ANKRD17: variants seen among roughly 807,000 people sequenced by gnomAD.
ANKRD17 encodes the protein ankyrin repeat domain 17.
Under a neutral mutation model 229.7 loss-of-function variants are expected in ANKRD17, and 19 were observed. That is an observed-to-expected ratio of 0.08 (90% CI 0.06 to 0.12). The LOEUF (loss-of-function observed/expected upper bound fraction) is 0.12. ANKRD17 is among the 10% of genes least tolerant of loss of function. The pLI is 1.00. For synonymous variants in ANKRD17, 1,112 were observed against 1,146.1 expected (o/e 0.97, Z 0.60); for missense variants, 2,176 against 3,176.8 (o/e 0.68, Z 7.57).
At chr4:73,160,134 C>A (rs1732301694) in intron 3 of ANKRD17, among the ~76,000 whole-genome samples, 1 of 150,938 alleles carries the variant, frequency 6.6e-6, no homozygotes, top group African/African-American at 2.4e-5. Flanking sequence ...AAGCCACCAA[C>A]GGTTGAAAAT....
chr4:73,156,285 A>C, intron 3 of ANKRD17, 119 bp from the exon 4 acceptor site: 12 of 1,239,770 alleles, frequency 9.7e-6, no homozygotes, highest in African/African-American at 1.5e-5. Flanking sequence ...TTGCTCTGTC[A>C]CCCAGGAGGG....
rs1362932940 is a variant in ANKRD17, at chr4:73,141,797, T to C, written c.2276A>G (p.Gln759Arg). The C allele has an allele frequency of 6.2e-7, 1 of 1,613,968 alleles. No homozygotes were observed. The highest frequency in any genetic ancestry group is 2.2e-5 in the East Asian group (1 of 44,854). The stretch of plus-strand genomic sequence containing the variant: ...ATTGGCAGGTGGTTTGTCAGGCTCC[T>C]GAGGTGGAACAACCATGGGCAGTGC... ...VQALPMVVPP[Q>R]EPDKPPANVA... Residue 759 changes from glutamine (Q) to arginine (R), a missense_variant, in exon 14 of 34, where the codon CAG becomes CGG. Transcript: ENST00000358602.
intron 15 of ANKRD17, among the ~76,000 whole-genome samples, chr4:73,137,974 TA>T (rs1161606776): frequency 1.3e-5 from 2 of 152,168 alleles, no homozygotes; most frequent in East Asian, 1.9e-4. Context: ...TGATATTATA[TA>T]AAAAAAATTT....
intron 29 of ANKRD17, among the ~76,000 whole-genome samples, chr4:73,086,919 A>ATATATATAT (rs1553911001): frequency 1.6e-4 from 2 of 12,462 alleles, no homozygotes; most frequent in African/African-American, 2.6e-4. Context: ...AAAAAAAAAA[A>ATATATATAT]ATATATATAT....
intron 1 of ANKRD17, among the ~76,000 whole-genome samples, chr4:73,199,590 T>C (rs778067867): frequency 4.7e-4 from 72 of 152,186 alleles, no homozygotes; most frequent in Non-Finnish European, 8.1e-4. Flanking sequence ...TGCTTAAATG[T>C]GTCACTCCTA....
At chr4:73,145,117 G>A (rs11939939) in intron 10 of ANKRD17, among the ~76,000 whole-genome samples, 53,813 of 151,870 alleles carry the variant, frequency 0.35, 10,110 homozygotes, top group South Asian at 0.45. Flanking sequence ...TCATCTAAAC[G>A]CATCTGAGTA....
At chr4:73,112,798 T>C in intron 24 of ANKRD17, 3 of 713,406 alleles carry the variant, frequency 4.2e-6, no homozygotes, top group Non-Finnish European at 5.2e-6. Flanking sequence ...AAATTTTATT[T>C]ATTTTTTGAG....
At position 73,076,953 on chromosome 4, in the gene ANKRD17, T is replaced by A. The variant is rs1448221920; in HGVS notation, c.7739A>T (p.Asn2580Ile). ...GATCAGCCTCACCGTTTGAGGGCCA[T>A]TATTTTCCGTGGAGCTGGAAACCAT... ...IKMVSSSTEN[N>I]GPQTVWTGPW... is the part of the protein sequence containing the mutation. Residue 2580 changes from asparagine to isoleucine, a missense_variant, in exon 33 of 34, where the codon AAT becomes ATT. Asn to Ile is a moderately radical substitution (Grantham distance 149). Around this residue, in one of 18 missense-constraint regions of ANKRD17, gnomAD observed 159 missense variants for 214.3 expected, o/e 0.74. Coordinates refer to ENST00000358602, the MANE Select transcript of ANKRD17 (RefSeq NM_032217.5). 1 of 1,610,796 alleles carries A rather than the reference T, an allele frequency of 6.2e-7. No homozygotes were observed. Among genetic ancestry groups the A allele is most frequent in the East Asian group, 2.2e-5 (1 of 44,822 alleles).
At chr4:73,093,876 A>G (rs1723034605) in intron 28 of ANKRD17, among the ~76,000 whole-genome samples, 1 of 152,220 alleles carries the variant, frequency 6.6e-6, no homozygotes, top group South Asian at 2.1e-4. Context: ...AATTCCTATA[A>G]AAGTCTCTGA....
At chr4:73,083,470 G>A (rs1721774801) in intron 30 of ANKRD17, among the ~76,000 whole-genome samples, 1 of 152,130 alleles carries the variant, frequency 6.6e-6, no homozygotes, top group Admixed American at 6.6e-5. Context: ...AAAATAATTG[G>A]GAAATTTAGG....
At chr4:73,235,771 A>G (rs554190691) in intron 1 of ANKRD17, among the ~76,000 whole-genome samples, 18 of 152,264 alleles carry the variant, frequency 1.2e-4, no homozygotes, top group Admixed American at 9.8e-4. Flanking sequence ...AAAACCAATT[A>G]TCTCTTTACT....
intron 15 of ANKRD17, among the ~76,000 whole-genome samples, chr4:73,138,887 A>G (rs183023991): frequency 3.9e-5 from 6 of 152,274 alleles, no homozygotes; most frequent in African/African-American, 1.2e-4. Context: ...CTGGCTACAC[A>G]TCTAAAAATA....
intron 1 of ANKRD17, among the ~76,000 whole-genome samples, chr4:73,256,081 C>T (rs1316439718): frequency 1.3e-5 from 2 of 152,158 alleles, no homozygotes; most frequent in East Asian, 1.9e-4. Flanking sequence ...AAATGACAAA[C>T]CCATTGTTTA....
intron 28 of ANKRD17, 91 bp from the exon 29 acceptor site, chr4:73,092,391 C>T (rs35631423): frequency 0.023 from 23,868 of 1,042,126 alleles, 352 homozygotes; most frequent in Middle Eastern, 0.042. Context: ...CACAAACACA[C>T]ACACAGTTTT....
At position 73,115,842 on chromosome 4, in the gene ANKRD17, G is replaced by A; in HGVS notation, c.4263C>T (p.Tyr1421=). 1.2e-6 allele frequency: 2 copies of A among 1,613,022 alleles called. No homozygotes were observed. Among genetic ancestry groups the A allele is most frequent in the Non-Finnish European group, 1.7e-6 (2 of 1,179,696 alleles). The change falls in exon 23 of 34, where the codon TAC becomes TAT. Residue 1421 remains tyrosine, a synonymous_variant. Transcript: ENST00000358602. ...QFPSDSECMR[Y]IATITDKEML... ...TTACCTTATCAGTGATGGTTGCTAT[G>A]TATCTCATACATTCAGAATCTGATG...
rs374162159 is a variant in ANKRD17 at position 73,144,722 on chromosome 4, A to C, written c.1957+23T>G. The stretch of plus-strand genomic sequence containing the variant: ...AGGGGTAGATACCTTTCAAAAAAAG[A>C]CAACTGTTTTATACAAACCTACCTT... On this transcript the variant is annotated intron_variant, in intron 11 of 33. Transcript: ENST00000358602. 54 of 1,497,322 alleles carry C rather than the reference A, an allele frequency of 3.6e-5. No homozygotes were observed. In the African/African-American group the frequency reaches 6.7e-4, roughly 19 times the overall value. 92.8% of individuals were successfully genotyped at this position (1,497,322 alleles called of 1,614,324 possible).
intron 5 of ANKRD17, among the ~76,000 whole-genome samples, chr4:73,154,559 T>C (rs1731394764): frequency 6.6e-6 from 1 of 152,120 alleles, no homozygotes; most frequent in Non-Finnish European, 1.5e-5. Flanking sequence ...ATCATATATG[T>C]TTTCATTACA....
In ANKRD17 at chr4:73,201,804, G is replaced by C. The variant is rs147907058; in HGVS notation, c.394-24271C>G. 5.3e-3 allele frequency among the ~76,000 whole-genome samples: 799 copies of C among 152,106 alleles called. 2 individuals are homozygous for C. Among genetic ancestry groups the C allele is most frequent in the Non-Finnish European group, 7.6e-3 (514 of 67,984 alleles). Reference sequence around the variant, plus strand: ...CACTTTTCTAAACATAAGCTGCTTGGAGCAATTTTCAGGCTTTCTCACTAA... The same window carrying C: ...CACTTTTCTAAACATAAGCTGCTTGCAGCAATTTTCAGGCTTTCTCACTAA... On this transcript the variant is annotated intron_variant, in intron 1 of 33. Coordinates refer to ENST00000358602, the MANE Select transcript of ANKRD17 (RefSeq NM_032217.5).
chr4:73,226,835 C>G (rs1336449742), intron 1 of ANKRD17, among the ~76,000 whole-genome samples: 1 of 152,114 alleles, frequency 6.6e-6, no homozygotes, highest in Non-Finnish European at 1.5e-5. Flanking sequence ...CTGCCTCAGC[C>G]TCCCCAGTAG....
Sources: gnomAD v4.1 joint callset for allele counts (sites outside exome capture counted in the v4.1 genomes callset) on GRCh38, gnomAD v4.1.1 for gene constraint, gnomAD v4.1.1 regional missense constraint, MANE v1.5 for transcripts, NCBI Gene and HGNC (gene_info 2026-07-23, HGNC 2026-07-21) for gene names.